FRYL: variants seen among roughly 807,000 people sequenced by gnomAD.
FRYL encodes the protein FRY like transcription coactivator.
A neutral mutation model predicts 351.2 loss-of-function variants in FRYL; 150 were observed. That is an observed-to-expected ratio of 0.43 (90% CI 0.37 to 0.49). FRYL has a LOEUF of 0.49. FRYL is among the 20% of genes least tolerant of loss of function. FRYL has a pLI of 0.00. For missense variants in FRYL, 3,036 were observed against 3,619.3 expected (o/e 0.84, Z 4.13); for synonymous variants, 1,153 against 1,257.1 (o/e 0.92, Z 1.75).
rs532483377 is a variant in FRYL, at chr4:48,711,242, G to A, written c.-383-544C>T. On this transcript the variant is annotated intron_variant, in intron 1 of 63. Transcript: ENST00000358350. ...TCAGTGGGTGCAGCGCACCGTGCGC[G>A]AGCCGAAGCAGGATGAGGCATTGCC... 4.6e-5 allele frequency among the ~76,000 whole-genome samples: 7 copies of A among 152,366 alleles called. No homozygotes were observed. The South Asian group carries it at 1.0e-3, about 23-fold the overall frequency.
chr4:48,767,754 T>C (rs1775117439), intron 1 of FRYL, among the ~76,000 whole-genome samples: 1 of 152,220 alleles, frequency 6.6e-6, no homozygotes, highest in South Asian at 2.1e-4. Flanking sequence ...GCATGCATTT[T>C]CTCATCTTGG....
chr4:48,582,044 C>T lies in FRYL; in HGVS notation c.1987-439G>A, dbSNP rs185726962. Reference sequence around the variant, plus strand: ...AGAAGCTAGGGTGGCTTCAATGGCTCGGGTCTAAAATTTCAAGGTTCTATG... The same window carrying T: ...AGAAGCTAGGGTGGCTTCAATGGCTTGGGTCTAAAATTTCAAGGTTCTATG... On this transcript the variant is annotated intron_variant, in intron 20 of 63. Transcript: ENST00000358350. Among the ~76,000 whole-genome samples the T allele has an allele frequency of 2.9e-4, 44 of 152,152 alleles. No individual in the cohort carries two copies. In the East Asian group the frequency reaches 3.1e-3, roughly 11 times the overall value.
chr4:48,686,509 T>G (rs1765164770), intron 2 of FRYL, among the ~76,000 whole-genome samples: 1 of 148,372 alleles, frequency 6.7e-6, no homozygotes, highest in African/African-American at 2.5e-5. Flanking sequence ...CCCTCAAACC[T>G]AAAAAAAAAA....
rs746547245 is a variant in FRYL at position 48,534,991 on chromosome 4, C to T, written c.6565-306G>A. Reference sequence around the variant, plus strand: ...ATTTTTAGTGACTAGGAATCTCTTGCTTTTGACTTTCTCTTTGTGCCTATC... The same window carrying T: ...ATTTTTAGTGACTAGGAATCTCTTGTTTTTGACTTTCTCTTTGTGCCTATC... On this transcript the variant is annotated intron_variant, in intron 48 of 63. Transcript: ENST00000358350. Among the ~76,000 whole-genome samples, 44 of 152,206 alleles carry T rather than the reference C, an allele frequency of 2.9e-4. No homozygotes were observed. In the Middle Eastern group the frequency reaches 0.017, roughly 59 times the overall value.
chr4:48,674,813 G>A lies in FRYL; in HGVS notation c.-81+9860C>T, dbSNP rs148714019. Among the ~76,000 whole-genome samples, 971 of 149,164 alleles carry A rather than the reference G, an allele frequency of 6.5e-3. 7 individuals carry two copies. The highest frequency in any genetic ancestry group is 0.023 in the African/African-American group (929 of 40,622). On this transcript the variant is annotated intron_variant, in intron 3 of 63. Coordinates refer to ENST00000358350, the MANE Select transcript of FRYL (RefSeq NM_015030.2). Reference sequence around the variant, plus strand: ...AGCCCTTTGCTGTAACACAACTGTTGTCTAATTATTTAATCCAAAACTCCA... The same window carrying A: ...AGCCCTTTGCTGTAACACAACTGTTATCTAATTATTTAATCCAAAACTCCA...
intron 35 of FRYL, 50 bp from the exon 36 acceptor site, chr4:48,553,433 A>C: frequency 8.8e-6 from 12 of 1,362,622 alleles, no homozygotes; most frequent in African/African-American, 1.4e-5. Context: ...TTTTTATCTC[A>C]TTAATTTCTC....
intron 35 of FRYL, among the ~76,000 whole-genome samples, chr4:48,556,576 A>G (rs1264178647): frequency 1.3e-5 from 2 of 152,300 alleles, no homozygotes; most frequent in East Asian, 1.9e-4. Context: ...TTTCAGCTTC[A>G]ATATCACTTT....
chr4:48,670,235 A>G (rs893269549), intron 3 of FRYL, among the ~76,000 whole-genome samples: 8 of 151,962 alleles, frequency 5.3e-5, no homozygotes, highest in Non-Finnish European at 8.8e-5. Context: ...GGAGTTTGAG[A>G]TCAGTCTGGC....
intron 1 of FRYL, among the ~76,000 whole-genome samples, chr4:48,736,850 G>GA (rs368006420): frequency 0.011 from 430 of 40,446 alleles, 25 homozygotes; most frequent in African/African-American, 0.012. Flanking sequence ...ACTCTGTCTC[G>GA]AAAAAAAAAA....
intron 2 of FRYL, among the ~76,000 whole-genome samples, chr4:48,696,367 G>A (rs924336472): frequency 6.6e-6 from 1 of 152,172 alleles, no homozygotes; most frequent in African/African-American, 2.4e-5. Context: ...ATGAGTTCAC[G>A]TCTTTTGTGG....
intron 2 of FRYL, among the ~76,000 whole-genome samples, chr4:48,690,088 G>A (rs1382886652): frequency 6.8e-6 from 1 of 147,818 alleles, no homozygotes; most frequent in South Asian, 2.1e-4. Flanking sequence ...TGTATTTTTA[G>A]TAGAGATGGG....
At chr4:48,636,282 A>G (rs1278356969) in intron 3 of FRYL, among the ~76,000 whole-genome samples, 1 of 152,130 alleles carries the variant, frequency 6.6e-6, no homozygotes, top group Non-Finnish European at 1.5e-5. Context: ...TTTTTAAAAA[A>G]TTATTTTGGA....
intron 61 of FRYL, among the ~76,000 whole-genome samples, chr4:48,502,014 A>G (rs1577807602): frequency 6.6e-6 from 1 of 152,254 alleles, no homozygotes; most frequent in East Asian, 1.9e-4. Context: ...GATACTTTAA[A>G]AAGGATTCAT....
intron 1 of FRYL, among the ~76,000 whole-genome samples, chr4:48,758,245 T>G (rs1037024923): frequency 1.3e-5 from 2 of 152,124 alleles, no homozygotes; most frequent in Non-Finnish European, 2.9e-5. Context: ...GAGATCTAAT[T>G]AAACTAAAGA....
chr4:48,513,552 T>A (rs576036529), intron 56 of FRYL, among the ~76,000 whole-genome samples: 1 of 152,326 alleles, frequency 6.6e-6, no homozygotes, highest in South Asian at 2.1e-4. Context: ...AAATGTGTTA[T>A]TCAAGGTCTT....
At chr4:48,507,047 T>G (rs540613276) in intron 59 of FRYL, among the ~76,000 whole-genome samples, 78 of 152,354 alleles carry the variant, frequency 5.1e-4, no homozygotes, top group Non-Finnish European at 8.7e-4. Context: ...TACAAAATGT[T>G]AAAATATTTA....
chr4:48,687,503 G>GGT (rs1765264488), intron 2 of FRYL, among the ~76,000 whole-genome samples: 2 of 124,818 alleles, frequency 1.6e-5, no homozygotes, highest in African/African-American at 3.0e-5. Flanking sequence ...GGGGGGGGGG[G>GGT]GGGTGAGGGG....
At chr4:48,506,374 CATAAA>C (rs1720925363) in intron 59 of FRYL, 1 of 150,096 alleles carries the variant, frequency 6.7e-6, no homozygotes. Context: ...TCTCTAAAAA[CATAAA>C]ATAAAAAAAA....
chr4:48,767,407 C>T (rs751921982), intron 1 of FRYL, among the ~76,000 whole-genome samples: 2 of 152,102 alleles, frequency 1.3e-5, no homozygotes, highest in Non-Finnish European at 2.9e-5. Flanking sequence ...GATTACAATT[C>T]GACATGAGAT....
Sources: allele counts gnomAD v4.1 joint callset (sites outside exome capture counted in the v4.1 genomes callset), GRCh38; gene constraint gnomAD v4.1.1; transcripts MANE v1.5; gene names NCBI Gene and HGNC (gene_info 2026-07-23, HGNC 2026-07-21).